GUCY1A2: variants seen among roughly 807,000 people sequenced by gnomAD.
GUCY1A2 encodes guanylate cyclase 1 soluble subunit alpha 2.
GUCY1A2 carries 27 observed loss-of-function variants against 63.5 expected under a neutral mutation model. The observed-to-expected ratio is 0.43, with a 90% CI of 0.31 to 0.59. The LOEUF (loss-of-function observed/expected upper bound fraction) is 0.59, where lower values mean the gene tolerates loss of function less well. Ranked by LOEUF, GUCY1A2 falls within the 20% of genes least tolerant of loss-of-function variation. The pLI is 0.11. For synonymous variants in GUCY1A2, 364 were observed against 343.5 expected (o/e 1.06, Z -0.66); for missense variants, 768 against 913.3 (o/e 0.84, Z 2.05).
intron 6 of GUCY1A2, among the ~76,000 whole-genome samples, chr11:106,745,441 T>G (rs1161806829): frequency 6.6e-6 from 1 of 152,232 alleles, no homozygotes; most frequent in Non-Finnish European, 1.5e-5. Context: ...TCTCACTAAA[T>G]TGCCTCCCAT....
intron 4 of GUCY1A2, among the ~76,000 whole-genome samples, chr11:106,853,270 A>G (rs1859380615): frequency 6.6e-6 from 1 of 151,970 alleles, no homozygotes; most frequent in Non-Finnish European, 1.5e-5. Flanking sequence ...AAATCCAAAT[A>G]TATCTGTTTA....
At chr11:106,826,968 G>A (rs746247086) in intron 4 of GUCY1A2, 7 of 1,610,366 alleles carry the variant, frequency 4.3e-6, no homozygotes, top group Non-Finnish European at 5.9e-6. Flanking sequence ...TGAAATCGCA[G>A]CCATATATCT....
chr11:106,733,681 C>T (rs1396605449), intron 6 of GUCY1A2, among the ~76,000 whole-genome samples: 1 of 151,038 alleles, frequency 6.6e-6, no homozygotes, highest in Non-Finnish European at 1.5e-5. Flanking sequence ...AGCGAGCTGA[C>T]CGAGTGGTGG....
At chr11:106,966,527 A>T (rs1028508095) in intron 3 of GUCY1A2, among the ~76,000 whole-genome samples, 4 of 152,182 alleles carry the variant, frequency 2.6e-5, no homozygotes, top group African/African-American at 9.7e-5. Flanking sequence ...GATCACCAGT[A>T]CCTAGAACAG....
At chr11:106,859,435 A>T (rs974899485) in intron 4 of GUCY1A2, among the ~76,000 whole-genome samples, 2 of 152,058 alleles carry the variant, frequency 1.3e-5, no homozygotes, top group South Asian at 4.1e-4. Context: ...CTGTTAAAAA[A>T]TAAATTACAA....
Position 106,986,039 on chromosome 11 carries a change from C to A in GUCY1A2, c.365+31G>T, listed in dbSNP as rs1861396254. The A allele has an allele frequency of 2.7e-6, 3 of 1,091,954 alleles. No homozygotes were observed. The East Asian group carries it at 7.1e-5, about 26-fold the overall frequency. The allele number at this position is 1,091,954 out of a possible 1,614,324, so 67.6% of individuals were successfully genotyped here. A position where few individuals can be genotyped will look rare whatever the true frequency, so the allele number is the denominator to read the frequency against. On this transcript the variant is annotated intron_variant, in intron 2 of 7. Coordinates refer to ENST00000526355, the MANE Select transcript of GUCY1A2 (RefSeq NM_000855.3). The stretch of plus-strand genomic sequence containing the variant: ...TTGAGTAATTACCTTTAATTTGTCC[C>A]CAATAATAACCGAAATCAATTTTTA...
chr11:106,708,288 A>G (rs1862952591), intron 7 of GUCY1A2, among the ~76,000 whole-genome samples: 1 of 152,042 alleles, frequency 6.6e-6, no homozygotes, highest in East Asian at 1.9e-4. Context: ...GAAATGACAA[A>G]CCTATATTCA....
At chr11:106,691,021 G>C (rs970068702) in intron 7 of GUCY1A2, among the ~76,000 whole-genome samples, 1 of 152,110 alleles carries the variant, frequency 6.6e-6, no homozygotes. Context: ...GAAATAAAAT[G>C]TAAAAAGCTC....
In GUCY1A2 at chr11:106,679,012, C is replaced by T. The variant is rs2135325604; in HGVS notation, c.*8537G>A. 5.3e-6 allele frequency: 1 copy of T among 189,180 alleles called. No individual in the cohort carries two copies. The highest frequency in any genetic ancestry group is 1.9e-4 in the South Asian group (1 of 5,176). 11.7% of individuals were successfully genotyped at this position (189,180 alleles called of 1,614,324 possible). ...ACAACATTAATTGAATCTCTCATTG[C>T]TGAAGAAGTTGACACATTCAGAAAA... is the stretch of plus-strand genomic sequence containing the variant. On this transcript the variant is annotated 3_prime_UTR_variant, in exon 8 of 8. Transcript: ENST00000526355.
chr11:106,956,931 A>T (rs563534033), intron 3 of GUCY1A2, among the ~76,000 whole-genome samples: 5 of 152,256 alleles, frequency 3.3e-5, no homozygotes, highest in Admixed American at 1.3e-4. Flanking sequence ...CCCTCTCCCT[A>T]GGGACTCAGG....
rs577886702 is a variant in GUCY1A2, at chr11:107,008,776, C to T, written c.303+8977G>A. On this transcript the variant is annotated intron_variant, in intron 1 of 7. Transcript: ENST00000526355. ...GGAAAAAATGGAGTGACAGAAATCA[C>T]GATATATATACACGTGTGCGTGTGT... 2.0e-5 allele frequency among the ~76,000 whole-genome samples: 3 copies of T among 152,232 alleles called. No homozygotes were observed. The South Asian group carries it at 6.2e-4, about 32-fold the overall frequency.
chr11:106,974,974 T>C (rs1174048237), intron 3 of GUCY1A2, among the ~76,000 whole-genome samples: 3 of 152,106 alleles, frequency 2.0e-5, no homozygotes, highest in Non-Finnish European at 4.4e-5. Context: ...CTCATTTCTA[T>C]TTGTTCTCTA....
chr11:106,696,717 T>G (rs1394999520), intron 7 of GUCY1A2, among the ~76,000 whole-genome samples: 3 of 152,162 alleles, frequency 2.0e-5, no homozygotes, highest in Non-Finnish European at 4.4e-5. Context: ...GGGCATACTT[T>G]TTTCCTTTTC....
chr11:106,751,876 A>G (rs1453524561), intron 6 of GUCY1A2, among the ~76,000 whole-genome samples: 1 of 152,166 alleles, frequency 6.6e-6, no homozygotes, highest in Non-Finnish European at 1.5e-5. Flanking sequence ...ATAATTTTCC[A>G]TATTTTGCTG....
rs766347100 is a variant in GUCY1A2, at chr11:106,703,927, A to G, written c.1991+4585T>C. Among the ~76,000 whole-genome samples, 10 of 152,074 alleles carry G rather than the reference A, an allele frequency of 6.6e-5. No individual in the cohort carries two copies. In the South Asian group the frequency reaches 1.7e-3, roughly 25 times the overall value. ...ACATAATTCAATTAATCATGTGATTAATTGAATTAATTATGTACCTTAGCT... is the reference window on the plus strand; with the variant it reads ...ACATAATTCAATTAATCATGTGATTGATTGAATTAATTATGTACCTTAGCT... On this transcript the variant is annotated intron_variant, in intron 7 of 7. Coordinates refer to ENST00000526355, the MANE Select transcript of GUCY1A2 (RefSeq NM_000855.3).
intron 5 of GUCY1A2, among the ~76,000 whole-genome samples, chr11:106,809,037 G>A (rs1435165395): frequency 6.6e-6 from 1 of 151,928 alleles, no homozygotes; most frequent in East Asian, 1.9e-4. Flanking sequence ...AAACTAAAGA[G>A]CTCATTTCCC....
intron 6 of GUCY1A2, among the ~76,000 whole-genome samples, chr11:106,709,095 TTTTG>T (rs1862974696): frequency 7.5e-6 from 1 of 133,576 alleles, no homozygotes; most frequent in African/African-American, 2.7e-5. Flanking sequence ...TTTCTGTTTA[TTTTG>T]TTTAAATGTT....
chr11:106,824,800 T>G, intron 4 of GUCY1A2: 1 of 1,565,062 alleles, frequency 6.4e-7, no homozygotes, highest in Non-Finnish European at 8.6e-7. Context: ...TTTTTTTTTT[T>G]GTAGGCTGAA....
chr11:106,830,311 G>A (rs1859032954), intron 4 of GUCY1A2, among the ~76,000 whole-genome samples: 1 of 152,176 alleles, frequency 6.6e-6, no homozygotes, highest in African/African-American at 2.4e-5. Context: ...GATTATGTAT[G>A]ATTTCAGGAG....
Sources: allele counts gnomAD v4.1 joint callset (sites outside exome capture counted in the v4.1 genomes callset), GRCh38; gene constraint gnomAD v4.1.1; transcripts MANE v1.5; gene names NCBI Gene and HGNC (gene_info 2026-07-23, HGNC 2026-07-21).